SLC25A27: variants seen among roughly 807,000 people sequenced by gnomAD.
The protein encoded by SLC25A27 is mitochondrial uncoupling protein 4.
A neutral mutation model predicts 49.1 loss-of-function variants in SLC25A27; 35 were observed. The observed-to-expected ratio is 0.71, with a 90% CI of 0.54 to 0.95. The LOEUF is 0.95. Ranked by LOEUF, SLC25A27 falls within the 40% of genes least tolerant of loss-of-function variation. SLC25A27 has a pLI of 0.00. For synonymous variants in SLC25A27, 144 were observed against 136.9 expected (o/e 1.05, Z -0.36); for missense variants, 339 against 397.1 (o/e 0.85, Z 1.24).
At chr6:46,675,248 T>C (rs1388439720) in intron 8 of SLC25A27, among the ~76,000 whole-genome samples, 1 of 152,210 alleles carries the variant, frequency 6.6e-6, no homozygotes, top group Non-Finnish European at 1.5e-5. Context: ...GTTGCTATAA[T>C]GTCATTAACA....
At position 46,677,047 on chromosome 6, in the gene SLC25A27, A is replaced by C. The variant is rs762874716; in HGVS notation, c.*593A>C. 2 of 216,742 alleles carry C rather than the reference A, an allele frequency of 9.2e-6. No individual in the cohort carries two copies. Among genetic ancestry groups the C allele is most frequent in the East Asian group, 1.1e-4 (1 of 9,266 alleles). The allele number at this position is 216,742 out of a possible 1,614,324, so 13.4% of individuals were successfully genotyped here. On this transcript the variant is annotated 3_prime_UTR_variant, in exon 9 of 9. Transcript: ENST00000371347. ...TGTACTTTTTCTTGTCAGAAAGATA[A>C]AAAAAATCAAGTTGAGATGATGTTT...
intron 5 of SLC25A27, 143 bp from the exon 6 acceptor site, chr6:46,668,566 G>A: frequency 1.7e-6 from 1 of 574,814 alleles, no homozygotes; most frequent in Non-Finnish European, 3.2e-6. Context: ...CCCTCTATCT[G>A]TAGCTGTGCT....
chr6:46,662,190 A>T (rs146701620), intron 3 of SLC25A27, among the ~76,000 whole-genome samples, 186 bp from the exon 4 acceptor site: 1 of 151,800 alleles, frequency 6.6e-6, no homozygotes, highest in East Asian at 1.9e-4. Context: ...CACTCATTGT[A>T]CTCCTTTAAC....
At chr6:46,660,230 C>CTGTATGTGTGTGTG (rs1554170744) in intron 3 of SLC25A27, among the ~76,000 whole-genome samples, 1 of 147,310 alleles carries the variant, frequency 6.8e-6, no homozygotes, top group Non-Finnish European at 1.5e-5. Context: ...ACCTCTGTGT[C>CTGTATGTGTGTGTG]TGTGTGTGTG....
intron 1 of SLC25A27, among the ~76,000 whole-genome samples, chr6:46,654,613 C>T (rs892868711): frequency 6.6e-6 from 1 of 152,078 alleles, no homozygotes; most frequent in Non-Finnish European, 1.5e-5. Context: ...GTTTTAAGTA[C>T]AAACCACTTC....
Position 46,677,290 on chromosome 6 carries a change from AT to A in SLC25A27, c.*839del, listed in dbSNP as rs1763829930. The A allele has an allele frequency of 6.6e-6, 1 of 152,354 alleles. No individual in the cohort carries two copies. Among genetic ancestry groups the A allele is most frequent in the African/African-American group, 2.4e-5 (1 of 41,458 alleles). The allele number at this position is 152,354 out of a possible 1,614,324, so 9.4% of individuals were successfully genotyped here. On this transcript the variant is annotated 3_prime_UTR_variant, in exon 9 of 9. Coordinates refer to ENST00000371347, the MANE Select transcript of SLC25A27 (RefSeq NM_004277.5). ...TGTAATATATTAAGAACTACAACTT[AT>A]TTGATTAAAACTCAGCTGTATAGAT...
At position 46,671,218 on chromosome 6, in the gene SLC25A27, G is replaced by A; in HGVS notation, c.890G>A (p.Trp297Ter). Residue 297 changes from tryptophan to a stop codon, truncating the protein, a stop_gained, in exon 8 of 9, where the codon TGG becomes TAG. Transcript: ENST00000371347. LOFTEE classifies it high-confidence loss of function. ...MSLYKGFLPS[W>*]LRMTPWSMVF... is the part of the protein sequence containing the mutation. ...CTATATAAAGGCTTTTTACCATCTT[G>A]GCTGAGAATGGTAAAGTTAGGTTTA... The A allele has an allele frequency of 6.5e-7, 1 of 1,544,950 alleles. No individual in the cohort carries two copies. The highest frequency in any genetic ancestry group is 8.7e-7 in the Non-Finnish European group (1 of 1,142,952).
intron 1 of SLC25A27, among the ~76,000 whole-genome samples, chr6:46,655,342 A>G (rs774130933): frequency 6.6e-6 from 1 of 152,164 alleles, no homozygotes; most frequent in Non-Finnish European, 1.5e-5. Context: ...ACATAAGAAT[A>G]TATAGTGCAG....
rs1483359352 is a variant in SLC25A27, at chr6:46,669,985, ATTAAT to A, written c.705-146_705-142del. On this transcript the variant is annotated intron_variant, in intron 6 of 8. Coordinates refer to ENST00000371347, the MANE Select transcript of SLC25A27 (RefSeq NM_004277.5). ...TTTTTGTTGTTTTTCTACCTCTTTA[ATTAAT>A]TTAGCATTAATTTTAAGCAAAAAGA... The A allele has an allele frequency of 1.1e-5, 6 of 531,392 alleles. No homozygotes were observed. The Admixed American group carries it at 1.2e-4, about 10-fold the overall frequency. The allele number at this position is 531,392 out of a possible 1,614,324, so 32.9% of individuals were successfully genotyped here.
chr6:46,671,498 A>T (rs1279109550), intron 8 of SLC25A27, among the ~76,000 whole-genome samples: 1 of 152,036 alleles, frequency 6.6e-6, no homozygotes, highest in Non-Finnish European at 1.5e-5. Context: ...ATTTTCTGTA[A>T]TGTAAAATTT....
chr6:46,662,057 A>G (rs186607536), intron 3 of SLC25A27, among the ~76,000 whole-genome samples: 317 of 152,288 alleles, frequency 2.1e-3, no homozygotes, highest in Non-Finnish European at 3.3e-3. Flanking sequence ...GACTACATCT[A>G]TGCAGTTTTT....
intron 1 of SLC25A27, among the ~76,000 whole-genome samples, chr6:46,655,404 T>C (rs77587062): frequency 2.7e-4 from 41 of 152,236 alleles, no homozygotes; most frequent in Non-Finnish European, 5.3e-4. Context: ...GTCAAGAGGA[T>C]AGCACACAAT....
intron 6 of SLC25A27, among the ~76,000 whole-genome samples, chr6:46,669,437 A>G (rs745913568): frequency 5.9e-5 from 9 of 152,220 alleles, no homozygotes; most frequent in South Asian, 2.1e-4. Context: ...ATAGATGTCT[A>G]CTGTCCTTGA....
At chr6:46,673,505 A>AAGTC (rs1763634833) in intron 8 of SLC25A27, among the ~76,000 whole-genome samples, 1 of 152,192 alleles carries the variant, frequency 6.6e-6, no homozygotes, top group African/African-American at 2.4e-5. Flanking sequence ...CATATTTGGG[A>AAGTC]AGTCGCAAGA....
intron 2 of SLC25A27, among the ~76,000 whole-genome samples, chr6:46,657,574 T>A (rs1562035067): frequency 6.6e-6 from 1 of 152,240 alleles, no homozygotes; most frequent in Non-Finnish European, 1.5e-5. Context: ...GAGTTACATA[T>A]TATTTACTTT....
In SLC25A27 at chr6:46,655,976, A is replaced by G. The variant is rs752783918; in HGVS notation, c.240A>G (p.Glu80=). The change falls in exon 2 of 9, where the codon GAA becomes GAG. Residue 80 remains glutamate, a synonymous_variant. Coordinates refer to ENST00000371347, the MANE Select transcript of SLC25A27 (RefSeq NM_004277.5). The stretch of plus-strand genomic sequence containing the variant: ...TGCGCACAGCTCTAGGGATCATTGA[A>G]GAGGAAGGCTTTCTAAAGCTTTGGC... ...GMVRTALGII[E]EEGFLKLWQG... The G allele has an allele frequency of 1.9e-6, 3 of 1,613,070 alleles. No individual in the cohort carries two copies. Among genetic ancestry groups the G allele is most frequent in the Non-Finnish European group, 2.5e-6 (3 of 1,179,582 alleles).
rs1762803029 is a variant in SLC25A27 at position 46,652,993 on chromosome 6, G to T, written c.-200G>T. On this transcript the variant is annotated 5_prime_UTR_variant, in exon 1 of 9. Coordinates refer to ENST00000371347, the MANE Select transcript of SLC25A27 (RefSeq NM_004277.5). ...CTCCGCTGTGTTTTTCTATTCTGGG[G>T]TGTAAGGGGCAGCTGGACCACTCCA... The T allele has an allele frequency of 1.7e-6, 1 of 600,038 alleles. No homozygotes were observed. Among genetic ancestry groups the T allele is most frequent in the Non-Finnish European group, 3.0e-6 (1 of 338,900 alleles). 37.2% of individuals were successfully genotyped at this position (600,038 alleles called of 1,614,324 possible). A position where few individuals can be genotyped will look rare whatever the true frequency, so the allele number is the denominator to read the frequency against.
chr6:46,671,104 A>G, intron 7 of SLC25A27, 22 bp from the exon 8 acceptor site: 1 of 1,462,642 alleles, frequency 6.8e-7, no homozygotes, highest in Non-Finnish European at 9.4e-7. Flanking sequence ...AAAAAATTAA[A>G]AGGATCTTGT....
chr6:46,659,885 A>G (rs1194235185), intron 3 of SLC25A27, among the ~76,000 whole-genome samples: 2 of 148,378 alleles, frequency 1.3e-5, no homozygotes, highest in Admixed American at 6.8e-5. Flanking sequence ...AAAAAATTGC[A>G]TATATATATA....
Sources: gnomAD v4.1 joint callset for allele counts (sites outside exome capture counted in the v4.1 genomes callset) on GRCh38, gnomAD v4.1.1 for gene constraint, MANE v1.5 for transcripts, NCBI Gene and HGNC (gene_info 2026-07-23, HGNC 2026-07-21) for gene names.